Variants in FSTL4 observed in about 807,000 individuals in gnomAD.
The protein encoded by FSTL4 is follistatin like 4.
In FSTL4, 28 loss-of-function variants were observed where a neutral mutation model predicts 78.2. The observed-to-expected ratio is 0.36, with a 90% CI of 0.27 to 0.49. The LOEUF (loss-of-function observed/expected upper bound fraction) is 0.49. Among genes scored for constraint, FSTL4 ranks in the 20% least tolerant of loss-of-function variants. The pLI is 0.98. For missense variants in FSTL4, 922 were observed against 1,084.9 expected (o/e 0.85, Z 2.11); for synonymous variants, 422 against 440.5 (o/e 0.96, Z 0.53).
intron 3 of FSTL4, among the ~76,000 whole-genome samples, chr5:133,525,884 C>T (rs939068502): frequency 6.6e-6 from 1 of 152,174 alleles, no homozygotes; most frequent in Admixed American, 6.5e-5. Context: ...TGGGAACTGT[C>T]AATATTCTCC....
At chr5:133,608,326 G>C (rs899189801) in intron 1 of FSTL4, among the ~76,000 whole-genome samples, 11 of 152,200 alleles carry the variant, frequency 7.2e-5, no homozygotes, top group Non-Finnish European at 1.3e-4. Context: ...TAACCATCTT[G>C]TTTGGAAGGG....
intron 4 of FSTL4, among the ~76,000 whole-genome samples, chr5:133,345,813 A>G (rs762576229): frequency 6.6e-6 from 1 of 152,234 alleles, no homozygotes; most frequent in Non-Finnish European, 1.5e-5. Flanking sequence ...TAGTTCAGCC[A>G]TTGTGAAAGA....
chr5:133,277,756 G>C (rs1302617263), intron 6 of FSTL4, among the ~76,000 whole-genome samples: 1 of 152,152 alleles, frequency 6.6e-6, no homozygotes, highest in Non-Finnish European at 1.5e-5. Context: ...GGATCCTGGG[G>C]CCCTGGGCTT....
chr5:133,407,236 G>A (rs958078321), intron 3 of FSTL4, among the ~76,000 whole-genome samples: 1 of 152,210 alleles, frequency 6.6e-6, no homozygotes, highest in African/African-American at 2.4e-5. Context: ...CCCACTCCTT[G>A]TCATGCATGG....
chr5:133,442,397 A>G (rs1757178686), intron 3 of FSTL4, among the ~76,000 whole-genome samples: 1 of 152,172 alleles, frequency 6.6e-6, no homozygotes, highest in Non-Finnish European at 1.5e-5. Context: ...GAAAGATGCT[A>G]AATAGAGCTA....
chr5:133,466,902 G>A (rs1757719981), intron 3 of FSTL4, among the ~76,000 whole-genome samples: 1 of 151,760 alleles, frequency 6.6e-6, no homozygotes, highest in Non-Finnish European at 1.5e-5. Flanking sequence ...GTGAGTGTGT[G>A]TGTGTGTAAG....
chr5:133,463,463 G>C (rs1263867264), intron 3 of FSTL4, among the ~76,000 whole-genome samples: 1 of 152,152 alleles, frequency 6.6e-6, no homozygotes, highest in Non-Finnish European at 1.5e-5. Flanking sequence ...ATTTGGACTT[G>C]AGTTCAACCA....
At chr5:133,449,490 T>C (rs1447696766) in intron 3 of FSTL4, among the ~76,000 whole-genome samples, 1 of 152,156 alleles carries the variant, frequency 6.6e-6, no homozygotes, top group Non-Finnish European at 1.5e-5. Context: ...GCAGGAGCTG[T>C]GGCTGGGGTT....
chr5:133,331,457 C>A (rs1754344407), intron 4 of FSTL4, among the ~76,000 whole-genome samples: 1 of 152,150 alleles, frequency 6.6e-6, no homozygotes, highest in East Asian at 1.9e-4. Context: ...GGAAGGAACT[C>A]CCCAAATGTT....
At chr5:133,474,217 C>T (rs892420541) in intron 3 of FSTL4, among the ~76,000 whole-genome samples, 62 of 152,114 alleles carry the variant, frequency 4.1e-4, no homozygotes, top group African/African-American at 1.5e-3. Context: ...GGGAATGGGA[C>T]ATTCACACAA....
At chr5:133,430,886 A>G (rs1000310658) in intron 3 of FSTL4, among the ~76,000 whole-genome samples, 13 of 152,324 alleles carry the variant, frequency 8.5e-5, no homozygotes, top group African/African-American at 2.9e-4. Context: ...TTAGAGGAAA[A>G]GGACACCTTA....
At chr5:133,702,122 C>T in the FSTL4 span, among the ~76,000 whole-genome samples, 1 of 152,232 alleles carries the variant, frequency 6.6e-6, no homozygotes, top group South Asian at 2.1e-4. Context: ...GTACTGAGCA[C>T]ACATCACTGC....
chr5:133,629,348 T>C, the FSTL4 span, among the ~76,000 whole-genome samples: 2 of 152,106 alleles, frequency 1.3e-5, no homozygotes, highest in African/African-American at 4.8e-5. Context: ...CAAACTACCA[T>C]CAGAGAATAC....
chr5:133,381,570 G>A (rs1339042614), intron 4 of FSTL4, among the ~76,000 whole-genome samples: 1 of 152,218 alleles, frequency 6.6e-6, no homozygotes, highest in African/African-American at 2.4e-5. Context: ...GTTGAGTAGG[G>A]AGGGGCACGA....
chr5:133,669,004 C>T, the FSTL4 span, among the ~76,000 whole-genome samples: 1 of 152,198 alleles, frequency 6.6e-6, no homozygotes, highest in Non-Finnish European at 1.5e-5. Flanking sequence ...ATTAAAAATT[C>T]ATTCCCATTT....
At chr5:133,374,946 A>G (rs867934601) in intron 4 of FSTL4, among the ~76,000 whole-genome samples, 1 of 152,130 alleles carries the variant, frequency 6.6e-6, no homozygotes, top group African/African-American at 2.4e-5. Flanking sequence ...ACTCAGGCCT[A>G]TGACAGTGTT....
chr5:133,769,614 C>A, the FSTL4 span, among the ~76,000 whole-genome samples: 10 of 152,164 alleles, frequency 6.6e-5, no homozygotes, highest in Non-Finnish European at 1.5e-4. Context: ...TACAAACCTT[C>A]TGTGGGGTTA....
intron 2 of FSTL4, among the ~76,000 whole-genome samples, chr5:133,578,271 C>A (rs1362391278): frequency 6.6e-6 from 1 of 152,262 alleles, no homozygotes; most frequent in Non-Finnish European, 1.5e-5. Context: ...TTATTATGCC[C>A]ATGAGGGCAA....
the FSTL4 span, among the ~76,000 whole-genome samples, chr5:133,620,067 T>C: frequency 1.3e-5 from 2 of 152,316 alleles, no homozygotes; most frequent in Admixed American, 1.3e-4. Flanking sequence ...ACGCATATGC[T>C]AAAAAATGAT....
Sources: gnomAD v4.1 joint callset for allele counts (sites outside exome capture counted in the v4.1 genomes callset) on GRCh38, gnomAD v4.1.1 for gene constraint, MANE v1.5 for transcripts, NCBI Gene and HGNC (gene_info 2026-07-23, HGNC 2026-07-21) for gene names.